The following TOR1AIP2 variants were observed in gnomAD, a reference collection of about 807,000 sequenced individuals.
TOR1AIP2 encodes torsin-1A-interacting protein 2.
TOR1AIP2 carries 20 observed loss-of-function variants against 32.6 expected under a neutral mutation model. The observed-to-expected ratio is 0.61, with a 90% confidence interval of 0.43 to 0.89. TOR1AIP2 has a LOEUF of 0.89. TOR1AIP2 is among the 40% of genes least tolerant of loss of function. The pLI is 0.00. For missense variants in TOR1AIP2, 456 were observed against 553.8 expected (o/e 0.82, Z 1.77); for synonymous variants, 214 against 210.8 (o/e 1.02, Z -0.13).
Position 179,862,471 on chromosome 1 carries a change from A to G in TOR1AIP2, c.-147+2965T>C. On this transcript the variant is annotated intron_variant, in intron 3 of 6. Coordinates refer to ENST00000609928, the MANE Select transcript of TOR1AIP2 (RefSeq NM_001199260.2). ...CAGTTCACATAGTTTATTCAGCAAT[A>G]TAACAGGAGAGAACCTCCATTGTAA... is the stretch of plus-strand genomic sequence containing the variant. 10 of 985,492 alleles carry G rather than the reference A, an allele frequency of 1.0e-5. No individual in the cohort carries two copies. In the South Asian group the frequency reaches 1.4e-4, roughly 14 times the overall value. The allele number at this position is 985,492 out of a possible 1,614,324, so 61.0% of individuals were successfully genotyped here.
rs907587786 is a variant in TOR1AIP2, at chr1:179,872,349, A to G, written c.-566+4890T>C. Among the ~76,000 whole-genome samples the G allele has an allele frequency of 6.6e-5, 10 of 152,212 alleles. No homozygotes were observed. In the South Asian group the frequency reaches 1.4e-3, roughly 22 times the overall value. On this transcript the variant is annotated intron_variant, in intron 2 of 6. Coordinates refer to ENST00000609928, the MANE Select transcript of TOR1AIP2 (RefSeq NM_001199260.2). Reference sequence around the variant, plus strand: ...TTAAGGCTAATACACAACTTTCAACAGTCAGATCTGGTGCCAAGCTTAGGT... The same window carrying G: ...TTAAGGCTAATACACAACTTTCAACGGTCAGATCTGGTGCCAAGCTTAGGT...
chr1:179,864,772 T>C (rs1270183469), intron 3 of TOR1AIP2: 1 of 1,582,472 alleles, frequency 6.3e-7, no homozygotes, highest in Non-Finnish European at 8.6e-7. Flanking sequence ...ATTTTGACTA[T>C]TATAGAAGCT....
rs1391773567 is a variant in TOR1AIP2, at chr1:179,841,755, C to T, written c.*4316G>A. On this transcript the variant is annotated 3_prime_UTR_variant, in exon 7 of 7. Coordinates refer to ENST00000609928, the MANE Select transcript of TOR1AIP2 (RefSeq NM_001199260.2). ...CATTTTTGAAGTGCCAGAGACCTGC[C>T]TATGTCGCATAAAGTTTGGTCAGAT... 1 of 152,220 alleles carries T rather than the reference C, an allele frequency of 6.6e-6. No individual in the cohort carries two copies. The highest frequency in any genetic ancestry group is 1.5e-5 in the Non-Finnish European group (1 of 68,038). The allele number at this position is 152,220 out of a possible 1,614,324, so 9.4% of individuals were successfully genotyped here.
rs1225910652 is a variant in TOR1AIP2, at chr1:179,850,090, AC to A, written c.553+754del. ...CAGAGTGCTTATAAAATACAAACCCACACAGACAATCACAGAAGGTGAAAGT... is the reference window on the plus strand; with the variant it reads ...CAGAGTGCTTATAAAATACAAACCCAACAGACAATCACAGAAGGTGAAAGT... On this transcript the variant is annotated intron_variant, in intron 5 of 6. Transcript: ENST00000609928. 1.5e-3 allele frequency among the ~76,000 whole-genome samples: 226 copies of A among 152,280 alleles called. 1 individual carries two copies. Among genetic ancestry groups the A allele is most frequent in the African/African-American group, 5.3e-3 (222 of 41,552 alleles).
chr1:179,850,192 GATTTTCCCAAGGTCTCCCAAGTC>G (rs1332238999), intron 5 of TOR1AIP2, among the ~76,000 whole-genome samples: 2 of 152,188 alleles, frequency 1.3e-5, no homozygotes, highest in Non-Finnish European at 2.9e-5. Context: ...AGGAAGGGAA[GATTTTCCCAAGGTCTCCCAAGTC>G]AGCAAGTGGT....
chr1:179,867,647 A>G (rs1443426955), intron 2 of TOR1AIP2: 2 of 152,200 alleles, frequency 1.3e-5, no homozygotes, highest in East Asian at 1.9e-4. Flanking sequence ...ACCACACTAC[A>G]AAAACTGACA....
intron 5 of TOR1AIP2, among the ~76,000 whole-genome samples, chr1:179,850,546 T>A (rs886410518): frequency 2.0e-5 from 3 of 152,268 alleles, no homozygotes; most frequent in African/African-American, 2.4e-5. Context: ...GCGAATTTTT[T>A]AAAAGTCATG....
At position 179,851,148 on chromosome 1, in the gene TOR1AIP2, C is replaced by T. The variant is rs757268800; in HGVS notation, c.250G>A (p.Asp84Asn). 4.3e-6 allele frequency: 7 copies of T among 1,614,092 alleles called. No homozygotes were observed. The East Asian group carries it at 1.3e-4, about 31-fold the overall frequency. ...DEANVGKHPK[D>N]KTEDENKQSF... ...TGCTTGTTCTCATCTTCTGTTTTAT[C>T]CTTTGGATGTTTCCCCACATTTGCT... The change falls in exon 5 of 7, where the codon GAT becomes AAT. Residue 84 changes from aspartate (D) to asparagine (N), a missense_variant. Transcript: ENST00000609928.
chr1:179,863,152 G>T (rs1051240951), intron 3 of TOR1AIP2: 1 of 669,794 alleles, frequency 1.5e-6, no homozygotes, highest in African/African-American at 2.0e-5. Flanking sequence ...CTTGAACCCG[G>T]AAGGCAGAGG....
chr1:179,861,770 A>G, intron 3 of TOR1AIP2: 1 of 985,442 alleles, frequency 1.0e-6, no homozygotes, highest in South Asian at 4.7e-5. Context: ...CAGATAAGTA[A>G]ACACTATGGA....
rs1421769427 is a variant in TOR1AIP2 at position 179,845,964 on chromosome 1, G to GTATTT, written c.*106_*107insAAATA. 1.0e-6 allele frequency: 1 copy of GTATTT among 982,840 alleles called. No homozygotes were observed. The allele number at this position is 982,840 out of a possible 1,614,324, so 60.9% of individuals were successfully genotyped here. ...AAATAAGCTCATCTTTGTTTTTCAG[G>GTATTT]CTATTTCCTCAAGCTATTTTATCAA... On this transcript the variant is annotated 3_prime_UTR_variant, in exon 7 of 7. Coordinates refer to ENST00000609928, the MANE Select transcript of TOR1AIP2 (RefSeq NM_001199260.2).
At chr1:179,849,490 C>T (rs1696037192) in intron 5 of TOR1AIP2, among the ~76,000 whole-genome samples, 1 of 152,194 alleles carries the variant, frequency 6.6e-6, no homozygotes, top group African/African-American at 2.4e-5. Context: ...TCCCAAAGTG[C>T]TAGGATCACA....
Position 179,850,877 on chromosome 1 carries a change from T to G in TOR1AIP2, c.521A>C (p.Glu174Ala). 1 of 1,614,016 alleles carries G rather than the reference T, an allele frequency of 6.2e-7. No homozygotes were observed. The highest frequency in any genetic ancestry group is 1.7e-4 in the Middle Eastern group (1 of 6,060). The change falls in exon 5 of 7, where the codon GAG becomes GCG. Residue 174 changes from glutamate (E) to alanine (A), a missense_variant. Physicochemically the swap from Glu to Ala is moderately radical, Grantham distance 107. Coordinates refer to ENST00000609928, the MANE Select transcript of TOR1AIP2 (RefSeq NM_001199260.2). ...CAGCAGTCGCCTCCTCAGTGTATCC[T>G]CACCCTCTTGCCCTGCACTGGAATG... is the stretch of plus-strand genomic sequence containing the variant. ...PGHSSAGQEGEDTLRRRLLAP... is the reference protein window; with the variant it reads ...PGHSSAGQEGADTLRRRLLAP...
chr1:179,848,127 C>T (rs556642741), intron 5 of TOR1AIP2, among the ~76,000 whole-genome samples: 1 of 151,546 alleles, frequency 6.6e-6, no homozygotes, highest in African/African-American at 2.4e-5. Flanking sequence ...AAATGAAATA[C>T]TGTGAAATTC....
At chr1:179,849,465 C>T (rs1348470484) in intron 5 of TOR1AIP2, among the ~76,000 whole-genome samples, 3 of 152,242 alleles carry the variant, frequency 2.0e-5, no homozygotes, top group East Asian at 1.9e-4. Context: ...CTCAAGTGAT[C>T]CACCAGCCTT....
chr1:179,871,537 T>C (rs191550394), intron 2 of TOR1AIP2, among the ~76,000 whole-genome samples: 2 of 152,334 alleles, frequency 1.3e-5, no homozygotes, highest in African/African-American at 4.8e-5. Flanking sequence ...CCCTTATTCT[T>C]TTTTGTGGTA....
intron 3 of TOR1AIP2, chr1:179,860,022 T>C (rs1696457580): frequency 1.4e-6 from 1 of 730,636 alleles, no homozygotes; most frequent in Non-Finnish European, 1.7e-6. Context: ...TTTTTAAAAC[T>C]TTTTTGTAGA....
chr1:179,866,616 G>T (rs1431792851), intron 2 of TOR1AIP2, among the ~76,000 whole-genome samples: 1 of 152,142 alleles, frequency 6.6e-6, no homozygotes, highest in Non-Finnish European at 1.5e-5. Flanking sequence ...TGTTGGTCAG[G>T]CTGGTCTCGA....
intron 5 of TOR1AIP2, among the ~76,000 whole-genome samples, chr1:179,848,828 G>A (rs2148425471): frequency 6.6e-6 from 1 of 152,284 alleles, no homozygotes; most frequent in South Asian, 2.1e-4. Context: ...CTTGCCCAAG[G>A]TCACATAAAG....
Sources: allele counts gnomAD v4.1 joint callset (sites outside exome capture counted in the v4.1 genomes callset), GRCh38; gene constraint gnomAD v4.1.1; transcripts MANE v1.5; gene names NCBI Gene and HGNC (gene_info 2026-07-23, HGNC 2026-07-21).